Variants in KLHL29 observed in about 807,000 individuals in gnomAD.
KLHL29 encodes the protein kelch like family member 29.
A neutral mutation model predicts 80.4 loss-of-function variants in KLHL29; 21 were observed. That is an observed-to-expected ratio of 0.26 (90% CI 0.19 to 0.38). The LOEUF is 0.38. Among genes scored for constraint, KLHL29 ranks in the 10% least tolerant of loss-of-function variants. KLHL29 has a pLI of 1.00. For missense variants in KLHL29, 867 were observed against 1,223.9 expected, an observed-to-expected ratio of 0.71 and a Z score of 4.35; for synonymous variants, 511 against 526.8, an observed-to-expected ratio of 0.97 and a Z score of 0.41.
intron 3 of KLHL29, among the ~76,000 whole-genome samples, chr2:23,577,046 C>T (rs1253778243): frequency 6.6e-6 from 1 of 152,242 alleles, no homozygotes; most frequent in Non-Finnish European, 1.5e-5. Flanking sequence ...GCTGGCTGTG[C>T]CTCCAGATCC....
At chr2:23,497,078 T>C (rs1273804087) in intron 2 of KLHL29, among the ~76,000 whole-genome samples, 1 of 151,306 alleles carries the variant, frequency 6.6e-6, no homozygotes, top group African/African-American at 2.4e-5. Flanking sequence ...AAAAAAACTA[T>C]GAGCCCTTTA....
chr2:23,550,437 C>T (rs538861061), intron 2 of KLHL29, among the ~76,000 whole-genome samples: 2 of 152,304 alleles, frequency 1.3e-5, no homozygotes, highest in African/African-American at 4.8e-5. Context: ...GTGAAAGGTT[C>T]GTTCCACAAA....
intron 2 of KLHL29, among the ~76,000 whole-genome samples, chr2:23,505,416 C>T (rs1231813436): frequency 2.0e-5 from 3 of 152,226 alleles, no homozygotes; most frequent in African/African-American, 4.8e-5. Context: ...CTCTCTGCAC[C>T]GCTCCTTCCC....
chr2:23,682,729 T>C lies in KLHL29; in HGVS notation c.941-1670T>C, dbSNP rs1671124625. ...CCTCCCACTGGTGCTCTGAGCCTGT[T>C]GGTCTCTGTCTGTAGCTCCCACCCC... is the stretch of plus-strand genomic sequence containing the variant. On this transcript the variant is annotated intron_variant, in intron 5 of 13. Coordinates refer to ENST00000486442, the MANE Select transcript of KLHL29 (RefSeq NM_052920.2). This position sits in a 1 kb window ranked among gnomAD's most constrained non-coding sequence, Gnocchi z 4.1. Among the ~76,000 whole-genome samples the C allele has an allele frequency of 6.6e-6, 1 of 152,100 alleles. No individual in the cohort carries two copies. The highest frequency in any genetic ancestry group is 6.5e-5 in the Admixed American group (1 of 15,272).
rs113364036 is a variant in KLHL29, at chr2:23,524,926, A to G, written c.-45-37226A>G. 1.6e-3 allele frequency among the ~76,000 whole-genome samples: 242 copies of G among 152,164 alleles called. 2 individuals are homozygous for G. The highest frequency in any genetic ancestry group is 5.4e-3 in the African/African-American group (224 of 41,518). ...CTTAAAAGTAATTTTGCTGCCTGTAATTTTTTTTATCCAAACTCTCTCAGA... is the reference window on the plus strand; with the variant it reads ...CTTAAAAGTAATTTTGCTGCCTGTAGTTTTTTTTATCCAAACTCTCTCAGA... On this transcript the variant is annotated intron_variant, in intron 2 of 13. Transcript: ENST00000486442.
At chr2:23,584,409 G>C (rs1330973542) in intron 3 of KLHL29, among the ~76,000 whole-genome samples, 1 of 152,266 alleles carries the variant, frequency 6.6e-6, no homozygotes, top group Non-Finnish European at 1.5e-5. Flanking sequence ...TAGAATGGCA[G>C]AAACTCTGGG....
At chr2:23,510,858 G>A (rs991620134) in intron 2 of KLHL29, among the ~76,000 whole-genome samples, 2 of 152,164 alleles carry the variant, frequency 1.3e-5, no homozygotes, top group East Asian at 1.9e-4. Flanking sequence ...GGCTTCTGGG[G>A]GACAGCACGT....
At chr2:23,577,745 T>C (rs1159282761) in intron 3 of KLHL29, among the ~76,000 whole-genome samples, 1 of 145,502 alleles carries the variant, frequency 6.9e-6, no homozygotes, top group Non-Finnish European at 1.5e-5. Context: ...CGAAACTTCA[T>C]CTCAAAAAAA....
At chr2:23,653,686 C>G (rs1670151376) in intron 5 of KLHL29, among the ~76,000 whole-genome samples, 2 of 152,188 alleles carry the variant, frequency 1.3e-5, no homozygotes, top group African/African-American at 4.8e-5. Flanking sequence ...GTGACAAGGG[C>G]AAACTCTGAC....
intron 3 of KLHL29, among the ~76,000 whole-genome samples, chr2:23,622,372 C>T (rs1669204119): frequency 6.6e-6 from 1 of 152,234 alleles, no homozygotes; most frequent in South Asian, 2.1e-4. Context: ...TAGGCCACCA[C>T]CATCCCGCTC....
intron 1 of KLHL29, among the ~76,000 whole-genome samples, chr2:23,389,302 C>T (rs1009224374): frequency 1.3e-5 from 2 of 152,174 alleles, no homozygotes; most frequent in African/African-American, 4.8e-5. Flanking sequence ...TCTAATGATG[C>T]AATCCCATGC....
chr2:23,500,447 C>G (rs187402514), intron 2 of KLHL29, among the ~76,000 whole-genome samples: 83 of 152,236 alleles, frequency 5.5e-4, no homozygotes, highest in African/African-American at 1.9e-3. Context: ...TTTATTAGAT[C>G]CTAGTTTTGT....
At chr2:23,583,676 G>T (rs2103511201) in intron 3 of KLHL29, among the ~76,000 whole-genome samples, 1 of 152,264 alleles carries the variant, frequency 6.6e-6, no homozygotes, top group Non-Finnish European at 1.5e-5. Flanking sequence ...CCGACATTGG[G>T]ACTCTTACGT....
At chr2:23,687,871 G>A (rs1671343774) in intron 6 of KLHL29, among the ~76,000 whole-genome samples, 1 of 152,190 alleles carries the variant, frequency 6.6e-6, no homozygotes, top group Non-Finnish European at 1.5e-5. Context: ...GAGCCTGGGG[G>A]CGTTGCGACC....
chr2:23,437,125 G>T (rs1307659593), intron 1 of KLHL29, among the ~76,000 whole-genome samples: 1 of 152,168 alleles, frequency 6.6e-6, no homozygotes, highest in Non-Finnish European at 1.5e-5. Flanking sequence ...GGAATGTGTG[G>T]GCAAAGTGTA....
chr2:23,604,962 G>A (rs1415272083), intron 3 of KLHL29, among the ~76,000 whole-genome samples: 1 of 152,166 alleles, frequency 6.6e-6, no homozygotes, highest in East Asian at 1.9e-4. Flanking sequence ...AAATAGGAAG[G>A]GCTGTTGGGA....
chr2:23,579,834 C>T (rs1318759398), intron 3 of KLHL29, among the ~76,000 whole-genome samples: 3 of 152,332 alleles, frequency 2.0e-5, no homozygotes, highest in East Asian at 1.9e-4. Flanking sequence ...ATGGGTCTTA[C>T]ATTTCAGCCA....
intron 3 of KLHL29, among the ~76,000 whole-genome samples, chr2:23,603,612 G>C (rs1483600912): frequency 6.6e-6 from 1 of 152,204 alleles, no homozygotes; most frequent in Non-Finnish European, 1.5e-5. Flanking sequence ...GAGGGAGATC[G>C]AGGAGGCTGG....
intron 1 of KLHL29, among the ~76,000 whole-genome samples, chr2:23,409,127 A>G (rs1468042827): frequency 6.6e-6 from 1 of 152,206 alleles, no homozygotes; most frequent in African/African-American, 2.4e-5. Flanking sequence ...CGTGAGTATG[A>G]AGAACCAGTC....
Sources: allele counts gnomAD v4.1 joint callset (sites outside exome capture counted in the v4.1 genomes callset), GRCh38; gene constraint gnomAD v4.1.1; non-coding constraint Gnocchi (gnomAD v3.1); transcripts MANE v1.5; gene names NCBI Gene and HGNC (gene_info 2026-07-23, HGNC 2026-07-21).